MTUS2: variants seen among roughly 807,000 people sequenced by gnomAD.
MTUS2 encodes the protein microtubule-associated tumor suppressor candidate 2.
In MTUS2, 40 loss-of-function variants were observed where a neutral mutation model predicts 114.1. The ratio of observed to expected loss-of-function variants is 0.35; its 90% CI spans 0.27 to 0.46. The LOEUF is 0.46. Ranked by LOEUF, MTUS2 falls within the 20% of genes least tolerant of loss-of-function variation. The pLI, the probability that MTUS2 is intolerant of heterozygous loss-of-function variation, is 1.00. For synonymous variants in MTUS2, 688 were observed against 672.0 expected, an observed-to-expected ratio of 1.02 and a Z score of -0.37; for missense variants, 1,679 against 1,705.4, an observed-to-expected ratio of 0.98 and a Z score of 0.27.
chr13:29,380,202 T>G (rs182732094), intron 8 of MTUS2, among the ~76,000 whole-genome samples: 151 of 152,112 alleles, frequency 9.9e-4, no homozygotes, highest in African/African-American at 3.2e-3. Flanking sequence ...AGTCACTCAG[T>G]TCTCAAGGCA....
At chr13:28,962,094 A>G (rs1339614485) in intron 2 of MTUS2, among the ~76,000 whole-genome samples, 1 of 151,524 alleles carries the variant, frequency 6.6e-6, no homozygotes, top group Non-Finnish European at 1.5e-5. Context: ...CTATATACAT[A>G]TAAAATGAAG....
intron 2 of MTUS2, among the ~76,000 whole-genome samples, chr13:29,001,018 A>G (rs1354733715): frequency 6.6e-6 from 1 of 152,110 alleles, no homozygotes; most frequent in Non-Finnish European, 1.5e-5. Flanking sequence ...CAGGCTATTT[A>G]ATGTAGGGAG....
chr13:29,245,200 C>T (rs1896876708), intron 5 of MTUS2, among the ~76,000 whole-genome samples: 1 of 152,022 alleles, frequency 6.6e-6, no homozygotes, highest in Admixed American at 6.5e-5. Flanking sequence ...AGCAATGAGA[C>T]TCAAAGCAGG....
At chr13:28,998,593 T>C (rs1335055327) in intron 2 of MTUS2, among the ~76,000 whole-genome samples, 1 of 152,214 alleles carries the variant, frequency 6.6e-6, no homozygotes, top group African/African-American at 2.4e-5. Flanking sequence ...TTCATTTCTT[T>C]TTATTCTTTT....
Position 29,480,430 on chromosome 13 carries a change from G to A in MTUS2, c.3399+66G>A. On this transcript the variant is annotated intron_variant, in intron 10 of 15. Coordinates refer to ENST00000612955, the MANE Select transcript of MTUS2 (RefSeq NM_001033602.4). The surrounding 1 kb of genome is among the most constrained non-coding windows in gnomAD (Gnocchi z 4.4). ...GCAGGTGGCGGGCGGCGGGGATCCA[G>A]TGCCACATTAGCAAGAAGTCCTATT... 1.4e-6 allele frequency: 2 copies of A among 1,438,690 alleles called. No homozygotes were observed. Among genetic ancestry groups the A allele is most frequent in the Non-Finnish European group, 1.8e-6 (2 of 1,085,294 alleles). 89.1% of individuals were successfully genotyped at this position (1,438,690 alleles called of 1,614,324 possible). A position where few individuals can be genotyped will look rare whatever the true frequency, so the allele number is the denominator to read the frequency against.
intron 2 of MTUS2, among the ~76,000 whole-genome samples, chr13:28,954,783 C>T (rs755734746): frequency 6.6e-6 from 1 of 152,136 alleles, no homozygotes. Context: ...ATCAGCCCTA[C>T]ATGATCAGAG....
At chr13:29,380,892 T>C (rs11843319) in intron 8 of MTUS2, among the ~76,000 whole-genome samples, 21,317 of 27,906 alleles carry the variant, frequency 0.76, 8,660 homozygotes, top group East Asian at 0.86. Flanking sequence ...GTCCGCAGTC[T>C]GGCCTGGGCG....
intron 5 of MTUS2, among the ~76,000 whole-genome samples, chr13:29,270,181 T>G (rs1292413408): frequency 6.6e-6 from 1 of 152,124 alleles, no homozygotes; most frequent in Non-Finnish European, 1.5e-5. Context: ...CACTTGCCAT[T>G]TAAGAGGGCA....
chr13:29,139,618 C>T (rs117849607), intron 5 of MTUS2, among the ~76,000 whole-genome samples: 2 of 152,138 alleles, frequency 1.3e-5, no homozygotes, highest in East Asian at 1.9e-4. Context: ...TTTACTATCT[C>T]GTTATCTTCA....
Position 29,024,585 on chromosome 13 carries a change from G to T in MTUS2, c.-114G>T. The stretch of plus-strand genomic sequence containing the variant: ...TAAAGCAGTGTCGCAAGGTGACATT[G>T]TCAGGGGAGAACAAGCAGCTTGAGA... On this transcript the variant is annotated 5_prime_UTR_variant, in exon 3 of 16. Transcript: ENST00000612955. 1 of 1,304,726 alleles carries T rather than the reference G, an allele frequency of 7.7e-7. No individual in the cohort carries two copies. Among genetic ancestry groups the T allele is most frequent in the Non-Finnish European group, 1.1e-6 (1 of 938,244 alleles). The allele number at this position is 1,304,726 out of a possible 1,614,324, so 80.8% of individuals were successfully genotyped here. A position where few individuals can be genotyped will look rare whatever the true frequency, so the allele number is the denominator to read the frequency against.
chr13:29,448,794 C>T (rs1256730213), intron 9 of MTUS2, among the ~76,000 whole-genome samples: 1 of 146,250 alleles, frequency 6.8e-6, no homozygotes, highest in African/African-American at 2.6e-5. Flanking sequence ...CTCACTCTCA[C>T]CCAAACTGGA....
chr13:29,034,309 A>G (rs1886965478), intron 4 of MTUS2, among the ~76,000 whole-genome samples, 184 bp downstream of exon 4: 1 of 152,166 alleles, frequency 6.6e-6, no homozygotes, highest in African/African-American at 2.4e-5. Flanking sequence ...GTCATCCTTC[A>G]TGTCACCTTT....
At chr13:28,858,425 G>C (rs564909097) in intron 2 of MTUS2, among the ~76,000 whole-genome samples, 1 of 152,144 alleles carries the variant, frequency 6.6e-6, no homozygotes, top group South Asian at 2.1e-4. Context: ...ATTTAAACTT[G>C]TATCTCTACT....
intron 8 of MTUS2, among the ~76,000 whole-genome samples, chr13:29,426,663 A>G (rs1165092305): frequency 6.6e-6 from 1 of 152,204 alleles, no homozygotes; most frequent in Admixed American, 6.5e-5. Flanking sequence ...TTCACTTAAC[A>G]TGATATCCTC....
intron 7 of MTUS2, among the ~76,000 whole-genome samples, chr13:29,347,435 G>T (rs1481958197): frequency 2.8e-5 from 4 of 142,400 alleles, no homozygotes; most frequent in Non-Finnish European, 6.2e-5. Flanking sequence ...GGAAGTGTAT[G>T]TTTAGTTTGC....
At chr13:28,930,118 G>A (rs1316032709) in intron 2 of MTUS2, among the ~76,000 whole-genome samples, 1 of 152,122 alleles carries the variant, frequency 6.6e-6, no homozygotes, top group Non-Finnish European at 1.5e-5. Context: ...AAAAAATGTA[G>A]GCCACAGTCT....
chr13:29,334,556 C>T (rs1055021143), intron 7 of MTUS2, among the ~76,000 whole-genome samples: 1 of 152,190 alleles, frequency 6.6e-6, no homozygotes, highest in African/African-American at 2.4e-5. Context: ...GGTAGTGTTT[C>T]TGCAGAGAGA....
intron 2 of MTUS2, among the ~76,000 whole-genome samples, chr13:28,967,145 A>G (rs1017341490): frequency 2.0e-5 from 3 of 152,230 alleles, no homozygotes. Flanking sequence ...CCTTAATTCC[A>G]GCAGGGGGAG....
chr13:29,123,862 G>T (rs535648617), intron 5 of MTUS2, among the ~76,000 whole-genome samples: 1 of 152,156 alleles, frequency 6.6e-6, no homozygotes, highest in African/African-American at 2.4e-5. Context: ...CGGGCCTCCC[G>T]CCTCATTCCC....
Sources: allele counts gnomAD v4.1 joint callset (sites outside exome capture counted in the v4.1 genomes callset), GRCh38; gene constraint gnomAD v4.1.1; non-coding constraint Gnocchi (gnomAD v3.1); transcripts MANE v1.5; gene names NCBI Gene and HGNC (gene_info 2026-07-23, HGNC 2026-07-21).